CPLANE1: variants seen among roughly 807,000 people sequenced by gnomAD.
CPLANE1 encodes the protein ciliogenesis and planar polarity effector 1.
In CPLANE1, 263 loss-of-function variants were observed where a neutral mutation model predicts 362.5. That is an observed-to-expected ratio of 0.73 (90% CI 0.66 to 0.80). The LOEUF (loss-of-function observed/expected upper bound fraction) is 0.80. Ranked by LOEUF, CPLANE1 falls within the 30% of genes least tolerant of loss-of-function variation. The probability of loss-of-function intolerance (pLI) is 0.00; values close to 1 mark genes in which losing one functional copy is unlikely to be tolerated. For synonymous variants in CPLANE1, 1,212 were observed against 1,302.6 expected (o/e 0.93, Z 1.50); for missense variants, 3,461 against 3,793.4 (o/e 0.91, Z 2.30).
intron 17 of CPLANE1, among the ~76,000 whole-genome samples, chr5:37,205,816 T>C (rs1790552805): frequency 6.6e-6 from 1 of 152,148 alleles, no homozygotes; most frequent in Non-Finnish European, 1.5e-5. Flanking sequence ...CGCGCTCAAG[T>C]GATCTTCCCA....
At chr5:37,181,971 A>G (rs1317527084) in intron 26 of CPLANE1, among the ~76,000 whole-genome samples, 1 of 151,826 alleles carries the variant, frequency 6.6e-6, no homozygotes, top group Non-Finnish European at 1.5e-5. Flanking sequence ...GCGTGCCTGT[A>G]GTCCCAGCTA....
chr5:37,200,032 T>C (rs1788683302), intron 19 of CPLANE1, among the ~76,000 whole-genome samples: 1 of 152,250 alleles, frequency 6.6e-6, no homozygotes, highest in African/African-American at 2.4e-5. Flanking sequence ...GTGGCCATTC[T>C]GCTCCCACAA....
downstream of CPLANE1, among the ~76,000 whole-genome samples, chr5:37,103,336 ATT>A (rs1236763976): frequency 3.5e-3 from 527 of 152,262 alleles, 2 homozygotes; most frequent in African/African-American, 0.012. Flanking sequence ...CATTTTATGT[ATT>A]TTAATTGTGG....
intron 32 of CPLANE1, among the ~76,000 whole-genome samples, chr5:37,173,166 T>G (rs1004475317): frequency 3.3e-5 from 5 of 152,126 alleles, no homozygotes; most frequent in African/African-American, 1.2e-4. Flanking sequence ...CCATTGTTGG[T>G]AAACAGAAAA....
At chr5:37,127,052 G>A (rs539592326) in intron 46 of CPLANE1, among the ~76,000 whole-genome samples, 1 of 152,266 alleles carries the variant, frequency 6.6e-6, no homozygotes, top group East Asian at 1.9e-4. Flanking sequence ...GGCTTGCCTG[G>A]TAGACATTTC....
intron 34 of CPLANE1, 91 bp downstream of exon 34, chr5:37,168,700 A>G: frequency 9.3e-7 from 1 of 1,072,198 alleles, no homozygotes; most frequent in Non-Finnish European, 1.4e-6. Context: ...TTTTTTATGT[A>G]CAAGAGCTTT....
chr5:37,230,386 CATAA>C (rs1475098863), intron 9 of CPLANE1, among the ~76,000 whole-genome samples: 1 of 151,766 alleles, frequency 6.6e-6, no homozygotes, highest in Non-Finnish European at 1.5e-5. Flanking sequence ...ACATGTATCC[CATAA>C]ATATGTAAAA....
rs1011881815 is a variant in CPLANE1, at chr5:37,230,978, G to A, written c.1010C>T (p.Ser337Phe). ...LFLACMLKRG[S>F]LVLLTCQGEL... The stretch of plus-strand genomic sequence containing the variant: ...ACCTTGGCAGGTCAATAAAACCAGA[G>A]AGCCACGTTTTAACATACAAGCCAG... The change falls in exon 9 of 53, where the codon TCT (serine) becomes TTT (phenylalanine). Residue 337 changes from serine to phenylalanine, a missense_variant. Coordinates refer to ENST00000651892, the MANE Select transcript of CPLANE1 (RefSeq NM_001384732.1). The A allele has an allele frequency of 1.9e-6, 3 of 1,551,196 alleles. No individual in the cohort carries two copies. Among genetic ancestry groups the A allele is most frequent in the East Asian group, 2.4e-5 (1 of 40,892 alleles).
chr5:37,164,402 C>T (rs1388064370), intron 36 of CPLANE1, 75 bp from the exon 37 acceptor site: 2 of 1,111,420 alleles, frequency 1.8e-6, no homozygotes, highest in Non-Finnish European at 1.3e-6. Context: ...AAATCAATAG[C>T]TATGAAGATT....
At chr5:37,186,895 T>TA (rs1580538419) in intron 23 of CPLANE1, among the ~76,000 whole-genome samples, 1 of 151,434 alleles carries the variant, frequency 6.6e-6, no homozygotes. Flanking sequence ...CCGTGTCTAC[T>TA]AAAAAAATAC....
chr5:37,245,306 T>C (rs796608193), intron 4 of CPLANE1, among the ~76,000 whole-genome samples, 173 bp downstream of exon 4: 2 of 10,218 alleles, frequency 2.0e-4, no homozygotes, highest in South Asian at 2.7e-3. Flanking sequence ...ACTATATATA[T>C]ATATATATAT....
Position 37,231,039 on chromosome 5 carries a change from C to G in CPLANE1, c.949G>C (p.Val317Leu). 6.6e-7 allele frequency: 1 copy of G among 1,526,688 alleles called. No homozygotes were observed. The highest frequency in any genetic ancestry group is 8.8e-7 in the Non-Finnish European group (1 of 1,137,030). The allele number at this position is 1,526,688 out of a possible 1,614,324, so 94.6% of individuals were successfully genotyped here. Residue 317 changes from valine to leucine, a missense_variant, in exon 9 of 53, where the codon GTA (valine) becomes CTA (leucine). Physicochemically the swap from Val to Leu is conservative, Grantham distance 32. Coordinates refer to ENST00000651892, the MANE Select transcript of CPLANE1 (RefSeq NM_001384732.1). ...TCATGCGTCCAGCTGATATCACCTA[C>G]CCAGTAGGACCTATAATAAATAAGA... The part of the protein sequence containing the change: ...VPATLIRSYW[V>L]GDISWTHDSL...
Position 37,213,659 on chromosome 5 carries a change from C to G in CPLANE1, c.2820G>C (p.Gln940His), listed in dbSNP as rs1158643659. The G allele has an allele frequency of 1.6e-5, 24 of 1,544,630 alleles. No homozygotes were observed. The highest frequency in any genetic ancestry group is 2.1e-5 in the Non-Finnish European group (24 of 1,142,634). Reference sequence around the variant, plus strand: ...AGGCAGCCATGAAACGAGCCATGGACTGGACGACTCTCACTGCTGCCTCAG... The same window carrying G: ...AGGCAGCCATGAAACGAGCCATGGAGTGGACGACTCTCACTGCTGCCTCAG... ...VHPEAAVRVVQSMARFMAAYF... is the reference protein window; with the variant it reads ...VHPEAAVRVVHSMARFMAAYF... Residue 940 changes from glutamine (Q) to histidine (H), a missense_variant, in exon 16 of 53, where the codon CAG becomes CAC. Gln to His is a conservative substitution (Grantham distance 24, BLOSUM62 0). Around this residue, in one of 2 missense-constraint regions of CPLANE1, gnomAD observed 3,380 missense variants for 3,666.1 expected, o/e 0.92. Coordinates refer to ENST00000651892, the MANE Select transcript of CPLANE1 (RefSeq NM_001384732.1).
In CPLANE1 at chr5:37,184,898, C is replaced by A; in HGVS notation, c.4371G>T (p.Leu1457Phe). 6.2e-7 allele frequency: 1 copy of A among 1,614,128 alleles called. No homozygotes were observed. The change falls in exon 25 of 53, where the codon TTG becomes TTT. Residue 1457 changes from leucine to phenylalanine, a missense_variant. Leu to Phe is a conservative substitution (Grantham distance 22). Coordinates refer to ENST00000651892, the MANE Select transcript of CPLANE1 (RefSeq NM_001384732.1). ...GVDRYSLGTSLSRSTLTELGD... is the reference protein window; with the variant it reads ...GVDRYSLGTSFSRSTLTELGD... ...CTAGTTCTGTGAGTGTACTTCTGCTCAAACTAGTCCCCAGGGAATATCTGT... is the reference window on the plus strand; with the variant it reads ...CTAGTTCTGTGAGTGTACTTCTGCTAAAACTAGTCCCCAGGGAATATCTGT...
rs773810601 is a variant in CPLANE1, at chr5:37,121,745, T to C, written c.9057A>G (p.Gln3019=). ...ACAGTTCATTCATCAGACCGTACGC[T>C]TGTGAGATTCGACGACTATAGTGTT... The part of the protein sequence containing the change: ...LSEHYSRRIS[Q]AYGLMNELLS... Residue 3019 remains glutamine, a synonymous_variant, in exon 49 of 53, where the codon CAA becomes CAG. Transcript: ENST00000651892. 2 of 1,614,078 alleles carry C rather than the reference T, an allele frequency of 1.2e-6. No homozygotes were observed. The highest frequency in any genetic ancestry group is 8.5e-7 in the Non-Finnish European group (1 of 1,179,936).
At chr5:37,167,317 G>A in intron 34 of CPLANE1, 104 bp from the exon 35 acceptor site, 2 of 853,142 alleles carry the variant, frequency 2.3e-6, no homozygotes, top group South Asian at 3.5e-5. Flanking sequence ...ATTAAACTGT[G>A]CAACAGTTAG....
chr5:37,167,269 A>G, intron 34 of CPLANE1, 56 bp from the exon 35 acceptor site: 14 of 1,369,342 alleles, frequency 1.0e-5, no homozygotes, highest in Non-Finnish European at 1.4e-5. Flanking sequence ...ATTATGTAAT[A>G]TTTCAACAAA....
chr5:37,110,884 T>G (rs971027802), intron 51 of CPLANE1, among the ~76,000 whole-genome samples: 3 of 145,448 alleles, frequency 2.1e-5, no homozygotes, highest in African/African-American at 7.6e-5. Context: ...CTTGGCTCAC[T>G]ACAACCTCTG....
intron 21 of CPLANE1, among the ~76,000 whole-genome samples, chr5:37,189,409 A>G (rs1168002495): frequency 6.6e-6 from 1 of 152,158 alleles, no homozygotes; most frequent in African/African-American, 2.4e-5. Flanking sequence ...CCCACCCCAC[A>G]CATCAGATTC....
Sources: gnomAD v4.1 joint callset for allele counts (sites outside exome capture counted in the v4.1 genomes callset) on GRCh38, gnomAD v4.1.1 for gene constraint, gnomAD v4.1.1 regional missense constraint, MANE v1.5 for transcripts, NCBI Gene and HGNC (gene_info 2026-07-23, HGNC 2026-07-21) for gene names.